The following TCERG1 variants were observed in gnomAD, a reference collection of about 807,000 sequenced individuals.
TCERG1 encodes the protein transcription elongation regulator 1, also known as TATA box binding protein (TBP)-associated factor, RNA polymerase II, S, 150kD.
TCERG1 carries 37 observed loss-of-function variants against 144.7 expected under a neutral mutation model. The observed-to-expected ratio is 0.26, with a 90% CI of 0.20 to 0.34. TCERG1 has a LOEUF of 0.34. Ranked by LOEUF, TCERG1 falls within the 10% of genes least tolerant of loss-of-function variation. The pLI is 1.00. For synonymous variants in TCERG1, 492 were observed against 458.2 expected, an observed-to-expected ratio of 1.07 and a Z score of -0.94; for missense variants, 1,027 against 1,380.7, an observed-to-expected ratio of 0.74 and a Z score of 4.06.
rs779768973 is a variant in TCERG1, at chr5:146,511,350, A to G, written c.*708A>G. On this transcript the variant is annotated 3_prime_UTR_variant, in exon 23 of 23. Transcript: ENST00000679501. ...TTTTATTCACCATTAAGTGATCTTT[A>G]TCAATATTCTGGATTAGACAACAAA... The G allele has an allele frequency of 6.6e-6, 1 of 152,622 alleles. No homozygotes were observed. The highest frequency in any genetic ancestry group is 1.5e-5 in the Non-Finnish European group (1 of 68,034). 9.5% of individuals were successfully genotyped at this position (152,622 alleles called of 1,614,324 possible).
intron 5 of TCERG1, among the ~76,000 whole-genome samples, chr5:146,466,765 CAACT>C (rs1279279393): frequency 6.6e-6 from 1 of 152,056 alleles, no homozygotes; most frequent in East Asian, 1.9e-4. Context: ...TCTGCGAGCC[CAACT>C]GATTTTTAAT....
Position 146,459,110 on chromosome 5 carries a change from A to C in TCERG1, c.665A>C (p.Gln222Pro). The stretch of plus-strand genomic sequence containing the variant: ...CAGGCCCAGGCCCAGGCCCAGGCCC[A>C]AGCCCAAGCCCAGGCCCAGGCTCAG... ...QAQAQAQAQAQAQAQAQAQAQ... is the reference protein window; with the variant it reads ...QAQAQAQAQAPAQAQAQAQAQ... Residue 222 changes from glutamine to proline, a missense_variant, in exon 4 of 23, where the codon CAA becomes CCA. Around this residue, in one of 6 missense-constraint regions of TCERG1, gnomAD observed 187 missense variants for 169.1 expected, o/e 1.11. Coordinates refer to ENST00000679501, the MANE Select transcript of TCERG1 (RefSeq NM_001382548.1). The C allele has an allele frequency of 6.3e-7, 1 of 1,595,894 alleles. No individual in the cohort carries two copies.
Position 146,510,747 on chromosome 5 carries a change from GAC to G in TCERG1, c.*107_*108del. On this transcript the variant is annotated 3_prime_UTR_variant, in exon 23 of 23. Transcript: ENST00000679501. ...TAGTCAACCTATTGCGAAACCATCT[GAC>G]AAACAGAAGGAGAAGCATTTGTGAA... The G allele has an allele frequency of 4.7e-6, 5 of 1,074,314 alleles. No individual in the cohort carries two copies. The highest frequency in any genetic ancestry group is 6.5e-6 in the Non-Finnish European group (5 of 769,518). The allele number at this position is 1,074,314 out of a possible 1,614,324, so 66.5% of individuals were successfully genotyped here. A position where few individuals can be genotyped will look rare whatever the true frequency, so the allele number is the denominator to read the frequency against.
At chr5:146,493,115 A>G (rs1392205638) in intron 16 of TCERG1, 77 bp downstream of exon 16, 3 of 1,138,560 alleles carry the variant, frequency 2.6e-6, no homozygotes, top group Non-Finnish European at 3.7e-6. Context: ...TTAAAAAAAT[A>G]GATATTTTTT....
intron 19 of TCERG1, among the ~76,000 whole-genome samples, chr5:146,506,469 G>C (rs1364760070): frequency 6.6e-6 from 1 of 152,148 alleles, no homozygotes; most frequent in Non-Finnish European, 1.5e-5. Flanking sequence ...AACCAAAGCT[G>C]TTTAACATAT....
chr5:146,448,573 T>A (rs1481755851), intron 1 of TCERG1, among the ~76,000 whole-genome samples: 1 of 152,232 alleles, frequency 6.6e-6, no homozygotes, highest in Non-Finnish European at 1.5e-5. Flanking sequence ...TTATGAAGAC[T>A]CTGTTGATAC....
In TCERG1 at chr5:146,487,592, A is replaced by G. The variant is rs532845998; in HGVS notation, c.2163+3963A>G. On this transcript the variant is annotated intron_variant, in intron 15 of 22. Coordinates refer to ENST00000679501, the MANE Select transcript of TCERG1 (RefSeq NM_001382548.1). Reference sequence around the variant, plus strand: ...CTACAAAAAAATGCAAGAACTAGCCAGGTGTGGTGTCGTGCACCTATAGTC... The same window carrying G: ...CTACAAAAAAATGCAAGAACTAGCCGGGTGTGGTGTCGTGCACCTATAGTC... Among the ~76,000 whole-genome samples the G allele has an allele frequency of 1.6e-4, 25 of 152,230 alleles. No individual in the cohort carries two copies. The South Asian group carries it at 5.0e-3, about 30-fold the overall frequency.
In TCERG1 at chr5:146,503,337, A is replaced by AT. The variant is rs773004443; in HGVS notation, c.2434-34dup. ...TATGATGAATTTCTCATGGTACATT[A>AT]TTTTCCCTCCCATCCCACTACCTGT... On this transcript the variant is annotated intron_variant, in intron 17 of 22. Transcript: ENST00000679501. 5.0e-6 allele frequency: 8 copies of AT among 1,590,278 alleles called. No individual in the cohort carries two copies. In the East Asian group the frequency reaches 1.8e-4, roughly 36 times the overall value.
rs187986804 is a variant in TCERG1, at chr5:146,482,500, G to A, written c.1938-92G>A. The A allele has an allele frequency of 9.1e-6, 12 of 1,314,726 alleles. No individual in the cohort carries two copies. The African/African-American group carries it at 1.3e-4, about 15-fold the overall frequency. The allele number at this position is 1,314,726 out of a possible 1,614,324, so 81.4% of individuals were successfully genotyped here. A position where few individuals can be genotyped will look rare whatever the true frequency, so the allele number is the denominator to read the frequency against. On this transcript the variant is annotated intron_variant, in intron 13 of 22. Transcript: ENST00000679501. ...TGCCAAAAATATGCTGCTCAGTAGTGAGTCTTGAAAATTCCTTTGATTTTA... is the reference window on the plus strand; with the variant it reads ...TGCCAAAAATATGCTGCTCAGTAGTAAGTCTTGAAAATTCCTTTGATTTTA...
chr5:146,468,958 G>C (rs1377310893), intron 6 of TCERG1, among the ~76,000 whole-genome samples: 1 of 151,250 alleles, frequency 6.6e-6, no homozygotes, highest in Non-Finnish European at 1.5e-5. Flanking sequence ...TTATTTAGCT[G>C]TCTTGTAAAA....
At chr5:146,494,506 C>T (rs1002390259) in intron 16 of TCERG1, among the ~76,000 whole-genome samples, 2 of 152,058 alleles carry the variant, frequency 1.3e-5, no homozygotes, top group Non-Finnish European at 2.9e-5. Flanking sequence ...TTGAAGTGAT[C>T]TGTATTATGC....
chr5:146,468,293 A>G (rs1763973697), intron 5 of TCERG1, 48 bp from the exon 6 acceptor site: 1 of 1,421,078 alleles, frequency 7.0e-7, no homozygotes, highest in East Asian at 2.6e-5. Context: ...GTGGTAGCCG[A>G]CATACAATGG....
intron 10 of TCERG1, among the ~76,000 whole-genome samples, chr5:146,479,571 C>A (rs1210543974): frequency 6.6e-6 from 1 of 152,064 alleles, no homozygotes; most frequent in Non-Finnish European, 1.5e-5. Flanking sequence ...TTGATAAATA[C>A]ATTAACGTGC....
At chr5:146,454,976 T>C in intron 1 of TCERG1, 80 bp from the exon 2 acceptor site, 1 of 1,449,742 alleles carries the variant, frequency 6.9e-7, no homozygotes, top group South Asian at 1.2e-5. Context: ...CTTTTAAATT[T>C]GATGGATGTA....
rs1278938707 is a variant in TCERG1 at position 146,511,321 on chromosome 5, C to A, written c.*679C>A. 6.6e-6 allele frequency: 1 copy of A among 152,608 alleles called. No homozygotes were observed. 9.5% of individuals were successfully genotyped at this position (152,608 alleles called of 1,614,324 possible). ...GGCCAGAATAGAACCACTGGTTAAACATATTTTATTCACCATTAAGTGATC... is the reference window on the plus strand; with the variant it reads ...GGCCAGAATAGAACCACTGGTTAAAAATATTTTATTCACCATTAAGTGATC... On this transcript the variant is annotated 3_prime_UTR_variant, in exon 23 of 23. Coordinates refer to ENST00000679501, the MANE Select transcript of TCERG1 (RefSeq NM_001382548.1).
At chr5:146,484,952 G>A (rs1455341568) in intron 15 of TCERG1, among the ~76,000 whole-genome samples, 2 of 152,036 alleles carry the variant, frequency 1.3e-5, no homozygotes, top group Admixed American at 6.6e-5. Flanking sequence ...TTTCCACACA[G>A]CAGCCAGGCT....
intron 1 of TCERG1, among the ~76,000 whole-genome samples, chr5:146,447,832 G>C (rs553540787): frequency 6.6e-6 from 1 of 152,224 alleles, no homozygotes; most frequent in Admixed American, 6.5e-5. Flanking sequence ...TGTACCCCTC[G>C]CCACTTCTGG....
chr5:146,460,408 G>A (rs928421136), intron 4 of TCERG1, among the ~76,000 whole-genome samples: 2 of 140,038 alleles, frequency 1.4e-5, no homozygotes, highest in Admixed American at 7.4e-5. Context: ...GACTAAGCCC[G>A]AAAGTACTTA....
intron 5 of TCERG1, among the ~76,000 whole-genome samples, chr5:146,468,134 A>C (rs1450554219): frequency 6.6e-6 from 1 of 152,184 alleles, no homozygotes; most frequent in Non-Finnish European, 1.5e-5. Flanking sequence ...TAAAAAGGTA[A>C]TTGATGGTAT....
Sources: gnomAD v4.1 joint callset for allele counts (sites outside exome capture counted in the v4.1 genomes callset) on GRCh38, gnomAD v4.1.1 for gene constraint, gnomAD v4.1.1 regional missense constraint, MANE v1.5 for transcripts, NCBI Gene and HGNC (gene_info 2026-07-23, HGNC 2026-07-21) for gene names.